WNT9A: variants seen among roughly 807,000 people sequenced by gnomAD.
WNT9A encodes the protein protein Wnt-9a.
WNT9A carries 8 observed loss-of-function variants against 31.4 expected under a neutral mutation model. The observed-to-expected ratio is 0.26, with a 90% CI of 0.15 to 0.46. The LOEUF (loss-of-function observed/expected upper bound fraction) is 0.46, where lower values mean the gene tolerates loss of function less well. Ranked by LOEUF, WNT9A falls within the 20% of genes least tolerant of loss-of-function variation. The probability of loss-of-function intolerance (pLI) is 0.99; values close to 1 mark genes in which losing one functional copy is unlikely to be tolerated. For missense variants in WNT9A, 457 were observed against 522.9 expected, an observed-to-expected ratio of 0.87 and a Z score of 1.23; for synonymous variants, 236 against 220.1, an observed-to-expected ratio of 1.07 and a Z score of -0.64.
intron 3 of WNT9A, among the ~76,000 whole-genome samples, chr1:227,923,565 G>A (rs189544526): frequency 5.3e-5 from 8 of 152,246 alleles, no homozygotes; most frequent in East Asian, 1.9e-4. Flanking sequence ...CTTTTATCTC[G>A]AAGTCTTTAG....
rs1037661462 is a variant in WNT9A at position 227,942,418 on chromosome 1, T to TA, written c.95+5374dup. Among the ~76,000 whole-genome samples, 2 of 152,096 alleles carry TA rather than the reference T, an allele frequency of 1.3e-5. No homozygotes were observed. The highest frequency in any genetic ancestry group is 4.8e-5 in the African/African-American group (2 of 41,428). ...GGCTGACACTCCAGACCCTCCCACT[T>TA]ACGGCCCCACTGTCAGGGAAGCCAA... On this transcript the variant is annotated intron_variant, in intron 1 of 3. Coordinates refer to ENST00000272164, the MANE Select transcript of WNT9A (RefSeq NM_003395.4). This position sits in a 1 kb window ranked among gnomAD's most constrained non-coding sequence, Gnocchi z 5.7.
At chr1:227,934,158 CAT>C (rs1207088607) in intron 1 of WNT9A, among the ~76,000 whole-genome samples, 10 of 152,310 alleles carry the variant, frequency 6.6e-5, no homozygotes, top group African/African-American at 1.4e-4. Flanking sequence ...AACATTCACA[CAT>C]GTGTTTGTGT....
chr1:227,925,783 G>C lies in WNT9A; in HGVS notation c.96-264C>G, dbSNP rs987379864. Among the ~76,000 whole-genome samples the C allele has an allele frequency of 6.6e-6, 1 of 152,072 alleles. No homozygotes were observed. The highest frequency in any genetic ancestry group is 2.4e-5 in the African/African-American group (1 of 41,402). ...CCGACTCGACCCCCACAGTTTCAGGGAGTCTAGCTGACTCTGGCTGCACTG... is the reference window on the plus strand; with the variant it reads ...CCGACTCGACCCCCACAGTTTCAGGCAGTCTAGCTGACTCTGGCTGCACTG... On this transcript the variant is annotated intron_variant, in intron 1 of 3. Transcript: ENST00000272164. This position sits in a 1 kb window ranked among gnomAD's most constrained non-coding sequence, Gnocchi z 6.0.
chr1:227,926,969 A>C lies in WNT9A; in HGVS notation c.96-1450T>G, dbSNP rs550233294. 2.0e-5 allele frequency among the ~76,000 whole-genome samples: 3 copies of C among 152,228 alleles called. No individual in the cohort carries two copies. Among genetic ancestry groups the C allele is most frequent in the African/African-American group, 7.2e-5 (3 of 41,558 alleles). On this transcript the variant is annotated intron_variant, in intron 1 of 3. Coordinates refer to ENST00000272164, the MANE Select transcript of WNT9A (RefSeq NM_003395.4). This position sits in a 1 kb window ranked among gnomAD's most constrained non-coding sequence, Gnocchi z 5.0. ...CTCCAGGGCCACAGGCGCAGGCCACAGAAGGAGCAGGTAGTGGCCCCAGGA... is the reference window on the plus strand; with the variant it reads ...CTCCAGGGCCACAGGCGCAGGCCACCGAAGGAGCAGGTAGTGGCCCCAGGA...
At chr1:227,933,933 G>T (rs961364120) in intron 1 of WNT9A, among the ~76,000 whole-genome samples, 31 of 152,202 alleles carry the variant, frequency 2.0e-4, no homozygotes, top group African/African-American at 7.0e-4. Flanking sequence ...TATTTAAGTG[G>T]AATCACGCAG....
chr1:227,937,300 T>G (rs1380622006), intron 1 of WNT9A, among the ~76,000 whole-genome samples: 5 of 152,222 alleles, frequency 3.3e-5, no homozygotes, highest in Non-Finnish European at 5.9e-5. Context: ...TCGAGGCCCC[T>G]GTTGTGTTTC....
chr1:227,946,638 G>A (rs1264252190), intron 1 of WNT9A, among the ~76,000 whole-genome samples: 2 of 152,254 alleles, frequency 1.3e-5, no homozygotes, highest in Non-Finnish European at 2.9e-5. Context: ...GAGAAGAAAG[G>A]GAGAGAAAGA....
rs1666428817 is a variant in WNT9A at position 227,926,868 on chromosome 1, C to A, written c.96-1349G>T. Among the ~76,000 whole-genome samples the A allele has an allele frequency of 6.6e-6, 1 of 152,030 alleles. No homozygotes were observed. ...TGCCCAACGGTATGGAGGGGAGGGG[C>A]CCAAGAGGCTCCCTAGCATACCCCA... On this transcript the variant is annotated intron_variant, in intron 1 of 3. Transcript: ENST00000272164. The surrounding 1 kb of genome is among the most constrained non-coding windows in gnomAD (Gnocchi z 5.0).
At chr1:227,922,759 G>A (rs1040681898) in intron 3 of WNT9A, among the ~76,000 whole-genome samples, 1 of 152,200 alleles carries the variant, frequency 6.6e-6, no homozygotes, top group Non-Finnish European at 1.5e-5. Flanking sequence ...CAGGACTTAG[G>A]GCCCCACCTG....
chr1:227,941,668 C>G (rs1666708891), intron 1 of WNT9A: 1 of 153,508 alleles, frequency 6.5e-6, no homozygotes, highest in African/African-American at 2.4e-5. Context: ...CCTCACCTGA[C>G]CCTAGGGGTC....
chr1:227,932,156 T>C (rs897575468), intron 1 of WNT9A, among the ~76,000 whole-genome samples: 18 of 152,292 alleles, frequency 1.2e-4, no homozygotes, highest in African/African-American at 3.6e-4. Context: ...ACAATTAGAG[T>C]CACTCTTCTC....
intron 1 of WNT9A, among the ~76,000 whole-genome samples, chr1:227,945,258 T>G (rs528068989): frequency 1.3e-5 from 2 of 152,326 alleles, no homozygotes; most frequent in East Asian, 3.9e-4. Context: ...CTGGCCTCCC[T>G]GCTTACCCCT....
intron 1 of WNT9A, among the ~76,000 whole-genome samples, chr1:227,935,583 T>C (rs1164755951): frequency 1.3e-5 from 2 of 152,230 alleles, no homozygotes; most frequent in Admixed American, 6.5e-5. Flanking sequence ...ACAGGGAAAT[T>C]AGACTAAGCC....
At chr1:227,924,062 T>TCCCCCCCCCCCCCC in intron 3 of WNT9A, 76 bp downstream of exon 3, 1 of 234,960 alleles carries the variant, frequency 4.3e-6, no homozygotes, top group South Asian at 1.5e-4. Context: ...CCGCCCCCAG[T>TCCCCCCCCCCCCCC]CCCACGCCCC....
At chr1:227,939,704 T>C (rs1398017125) in intron 1 of WNT9A, among the ~76,000 whole-genome samples, 1 of 152,036 alleles carries the variant, frequency 6.6e-6, no homozygotes, top group Non-Finnish European at 1.5e-5. Context: ...CCCAGCTTTC[T>C]CCCCCAGGCT....
rs915344940 is a variant in WNT9A, at chr1:227,928,386, T to A, written c.96-2867A>T. ...CTGTCAGAAGGGTGTGGAGGGAGGGTTGCCCCAGCCTAGCAGTGGCAAGGG... is the reference window on the plus strand; with the variant it reads ...CTGTCAGAAGGGTGTGGAGGGAGGGATGCCCCAGCCTAGCAGTGGCAAGGG... On this transcript the variant is annotated intron_variant, in intron 1 of 3. Transcript: ENST00000272164. The surrounding 1 kb of genome is among the most constrained non-coding windows in gnomAD (Gnocchi z 4.5). Among the ~76,000 whole-genome samples the A allele has an allele frequency of 1.3e-5, 2 of 150,262 alleles. No individual in the cohort carries two copies. The highest frequency in any genetic ancestry group is 4.9e-5 in the African/African-American group (2 of 40,748).
intron 1 of WNT9A, among the ~76,000 whole-genome samples, chr1:227,930,286 G>C: frequency 6.6e-6 from 1 of 152,170 alleles, no homozygotes; most frequent in East Asian, 1.9e-4. Context: ...CCCAGGAGTG[G>C]GTGGATAAGC....
chr1:227,927,681 C>T (rs1666441735), intron 1 of WNT9A, among the ~76,000 whole-genome samples: 1 of 152,100 alleles, frequency 6.6e-6, no homozygotes, highest in Non-Finnish European at 1.5e-5. Flanking sequence ...TGGAGACCTC[C>T]ATCCCCAGAC....
chr1:227,924,128 C>G lies in WNT9A; in HGVS notation c.615+10G>C, dbSNP rs771211406. 1 of 1,597,296 alleles carries G rather than the reference C, an allele frequency of 6.3e-7. No homozygotes were observed. The highest frequency in any genetic ancestry group is 2.2e-5 in the East Asian group (1 of 44,488). ...CTCCCTTCCCACCCCGCCAGCCCCA[C>G]CCCACTTGCCTTCACACCCACGAGG... On this transcript the variant is annotated intron_variant, in intron 3 of 3. Transcript: ENST00000272164.
Sources: gnomAD v4.1 joint callset for allele counts (sites outside exome capture counted in the v4.1 genomes callset) on GRCh38, gnomAD v4.1.1 for gene constraint, Gnocchi (gnomAD v3.1) non-coding constraint, MANE v1.5 for transcripts, NCBI Gene and HGNC (gene_info 2026-07-23, HGNC 2026-07-21) for gene names.